The following PHEX variants were observed in gnomAD, a reference collection of about 807,000 sequenced individuals.
PHEX encodes phosphate-regulating neutral endopeptidase PHEX.
PHEX carries 16 observed loss-of-function variants against 68.0 expected under a neutral mutation model. The observed-to-expected ratio is 0.24, with a 90% CI of 0.16 to 0.36. The LOEUF is 0.36. Among genes scored for constraint, PHEX ranks in the 10% least tolerant of loss-of-function variants. PHEX has a pLI of 1.00. For missense variants in PHEX, 480 were observed against 575.5 expected, an observed-to-expected ratio of 0.83 and a Z score of 1.70; for synonymous variants, 208 against 205.1, an observed-to-expected ratio of 1.01 and a Z score of -0.12.
intron 14 of PHEX, among the ~76,000 whole-genome samples, chrX:22,183,005 T>C (rs1322955307): frequency 8.9e-6 from 1 of 112,203 alleles, no homozygotes; most frequent in Non-Finnish European, 1.9e-5. Flanking sequence ...AGTTTTGTAC[T>C]TGGTTTTTGT....
chrX:22,083,283 T>A (rs1009665965), intron 5 of PHEX, among the ~76,000 whole-genome samples: 3 of 112,355 alleles, frequency 2.7e-5, no homozygotes. Flanking sequence ...TGTACTATAT[T>A]TTGAAGTCAG....
chrX:22,241,876 G>A (rs1936210953), intron 20 of PHEX, among the ~76,000 whole-genome samples: 1 of 112,225 alleles, frequency 8.9e-6, no homozygotes, highest in African/African-American at 3.2e-5. Flanking sequence ...CATTCCTTCT[G>A]AAACTATTCC....
chrX:22,131,071 G>A (rs1343134175), intron 11 of PHEX, among the ~76,000 whole-genome samples: 2 of 109,491 alleles, frequency 1.8e-5, no homozygotes, highest in Admixed American at 9.9e-5. Flanking sequence ...ACTGAGTCTC[G>A]CTCTGTCACC....
chrX:22,140,910 G>A (rs1357184857), intron 12 of PHEX, among the ~76,000 whole-genome samples: 2 of 105,590 alleles, frequency 1.9e-5, no homozygotes, highest in African/African-American at 3.6e-5. Context: ...TCCGTATGAG[G>A]TAGGTACTTT....
At chrX:22,193,241 A>C (rs1215180541) in intron 15 of PHEX, among the ~76,000 whole-genome samples, 1 of 111,277 alleles carries the variant, frequency 9.0e-6, no homozygotes, top group Non-Finnish European at 1.9e-5. Flanking sequence ...TGTTTAGATT[A>C]TTCACTTAAA....
chrX:22,077,396 C>A, intron 4 of PHEX, 80 bp from the exon 5 acceptor site: 1 of 875,677 alleles, frequency 1.1e-6, no homozygotes, highest in Non-Finnish European at 1.7e-6. Context: ...GGAATTTTGT[C>A]TTGAGAAGAT....
intron 15 of PHEX, among the ~76,000 whole-genome samples, chrX:22,197,429 T>C (rs2057157578): frequency 1.8e-5 from 2 of 111,056 alleles, no homozygotes; most frequent in South Asian, 3.9e-4. Flanking sequence ...TTTTGGATAA[T>C]GTTCACTCTG....
At position 22,226,602 on chromosome X, in the gene PHEX, G is replaced by GAGTT. The variant is rs373442301; in HGVS notation, c.1965+105_1965+108dup. On this transcript the variant is annotated intron_variant, in intron 19 of 21. Transcript: ENST00000379374. ...TTCATACCATAGCCATGTTCTTGAG[G>GAGTT]AGTTAGTTAGTTAGATATTATGGAA... 2.8e-4 allele frequency: 185 copies of GAGTT among 667,837 alleles called. 1 individual carries two copies. The highest frequency in any genetic ancestry group is 2.0e-3 in the African/African-American group (94 of 46,470). The allele number at this position is 667,837 out of a possible 1,213,427, so 55.0% of individuals were successfully genotyped here.
rs192981362 is a variant in PHEX, at chrX:22,207,093, G to C, written c.1646-5811G>C. Among the ~76,000 whole-genome samples the C allele has an allele frequency of 1.2e-3, 136 of 112,035 alleles. 1 individual carries two copies. Among genetic ancestry groups the C allele is most frequent in the African/African-American group, 4.2e-3 (129 of 30,919 alleles). Reference sequence around the variant, plus strand: ...TCAGCATTTTGCTAAGCTCCAACTAGGTTACTCCATATTTACTGATAGGAG... The same window carrying C: ...TCAGCATTTTGCTAAGCTCCAACTACGTTACTCCATATTTACTGATAGGAG... On this transcript the variant is annotated intron_variant, in intron 15 of 21. Transcript: ENST00000379374.
intron 11 of PHEX, among the ~76,000 whole-genome samples, chrX:22,132,134 C>G (rs1488640286): frequency 9.0e-6 from 1 of 111,697 alleles, no homozygotes; most frequent in Non-Finnish European, 1.9e-5. Flanking sequence ...AGGTCTCACT[C>G]TGTCACCCAG....
chrX:22,222,777 C>T (rs1043045550), intron 18 of PHEX, among the ~76,000 whole-genome samples: 4 of 111,749 alleles, frequency 3.6e-5, no homozygotes, highest in Non-Finnish European at 7.5e-5. Context: ...TATCCCCATA[C>T]TAGTCCTGAG....
intron 11 of PHEX, among the ~76,000 whole-genome samples, chrX:22,130,038 C>G (rs1246604665): frequency 9.0e-6 from 1 of 111,686 alleles, no homozygotes; most frequent in Non-Finnish European, 1.9e-5. Context: ...TTTCTGAAGC[C>G]TAGGAATGAA....
At chrX:22,047,790 C>T (rs746166723) in intron 3 of PHEX, among the ~76,000 whole-genome samples, 6 of 111,635 alleles carry the variant, frequency 5.4e-5, no homozygotes, top group Non-Finnish European at 1.1e-4. Flanking sequence ...CAAATACATT[C>T]CCCTGCCCCC....
At chrX:22,123,534 TA>T (rs778028676) in intron 11 of PHEX, among the ~76,000 whole-genome samples, 1 of 111,844 alleles carries the variant, frequency 8.9e-6, no homozygotes, top group Non-Finnish European at 1.9e-5. Flanking sequence ...CTAATGTTAA[TA>T]ATTAAGATAG....
chrX:22,190,902 G>C (rs1259970084), intron 15 of PHEX, among the ~76,000 whole-genome samples: 1 of 112,081 alleles, frequency 8.9e-6, no homozygotes, highest in Non-Finnish European at 1.9e-5. Flanking sequence ...CCATCTGTAT[G>C]TAAGAAAGAA....
intron 18 of PHEX, among the ~76,000 whole-genome samples, chrX:22,225,976 G>T (rs1052432437): frequency 8.9e-6 from 1 of 111,799 alleles, no homozygotes; most frequent in African/African-American, 3.3e-5. Flanking sequence ...ATTTTCCATG[G>T]AAATTGCTGA....
At chrX:22,103,477 C>T (rs1209800944) in intron 9 of PHEX, among the ~76,000 whole-genome samples, 2 of 110,422 alleles carry the variant, frequency 1.8e-5, no homozygotes, top group Admixed American at 1.9e-4. Context: ...CCCCTGAGTC[C>T]CCAAAGTCCA....
chrX:22,189,719 C>T (rs191822806), intron 14 of PHEX, among the ~76,000 whole-genome samples: 16 of 112,690 alleles, frequency 1.4e-4, no homozygotes, highest in African/African-American at 5.2e-4. Context: ...TATTTATGAT[C>T]TCACTCTTTA....
In PHEX at chrX:22,077,406, T is replaced by C. The variant is rs1042394018; in HGVS notation, c.437-70T>C. 14 of 909,444 alleles carry C rather than the reference T, an allele frequency of 1.5e-5. No homozygotes were observed. In the East Asian group the frequency reaches 3.7e-4, roughly 24 times the overall value. The allele number at this position is 909,444 out of a possible 1,213,427, so 74.9% of individuals were successfully genotyped here. ...TTATGGGAATTTTGTCTTGAGAAGA[T>C]GCACTTAAATTCTAGTGTGCTGATC... On this transcript the variant is annotated intron_variant, in intron 4 of 21. Transcript: ENST00000379374.
Sources: allele counts gnomAD v4.1 joint callset (sites outside exome capture counted in the v4.1 genomes callset), GRCh38; gene constraint gnomAD v4.1.1; transcripts MANE v1.5; gene names NCBI Gene and HGNC (gene_info 2026-07-23, HGNC 2026-07-21).